Variants in ALDH1A2 observed in about 807,000 individuals in gnomAD.
ALDH1A2 encodes retinal dehydrogenase 2.
A neutral mutation model predicts 60.3 loss-of-function variants in ALDH1A2; 27 were observed. The observed-to-expected ratio is 0.45, with a 90% CI of 0.33 to 0.62. The LOEUF (loss-of-function observed/expected upper bound fraction) is 0.62, where lower values mean the gene tolerates loss of function less well. Among genes scored for constraint, ALDH1A2 ranks in the 20% least tolerant of loss-of-function variants. The pLI is 0.02. For synonymous variants in ALDH1A2, 289 were observed against 232.4 expected, an observed-to-expected ratio of 1.24 and a Z score of -2.21; for missense variants, 581 against 643.8, an observed-to-expected ratio of 0.90 and a Z score of 1.06.
chr15:57,975,830 G>C (rs1049471945), intron 7 of ALDH1A2, among the ~76,000 whole-genome samples: 5 of 152,016 alleles, frequency 3.3e-5, no homozygotes, highest in African/African-American at 9.7e-5. Context: ...GGGGTGGAGA[G>C]AGAGATAAGA....
intron 1 of ALDH1A2, among the ~76,000 whole-genome samples, chr15:58,027,882 AG>A (rs1212772806): frequency 6.6e-6 from 1 of 152,176 alleles, no homozygotes; most frequent in East Asian, 1.9e-4. Context: ...AAAGCCTCCA[AG>A]AAATATGGGA....
intron 4 of ALDH1A2, among the ~76,000 whole-genome samples, chr15:58,002,985 A>C (rs1895324806): frequency 6.6e-6 from 1 of 151,920 alleles, no homozygotes; most frequent in East Asian, 1.9e-4. Flanking sequence ...TGTTAGTATG[A>C]AGTGTACTGA....
Position 57,964,010 on chromosome 15 carries a change from T to C in ALDH1A2, c.961A>G (p.Thr321Ala), listed in dbSNP as rs761085706. 4 of 1,614,154 alleles carry C rather than the reference T, an allele frequency of 2.5e-6. No individual in the cohort carries two copies. The highest frequency in any genetic ancestry group is 2.5e-6 in the Non-Finnish European group (3 of 1,180,008). ...TCCACGAAGATGCGAGAGCCTGCAG[T>C]GCAGCACTGACCTTGATTGAAGAAC... is the stretch of plus-strand genomic sequence containing the variant. ...GVFFNQGQCC[T>A]AGSRIFVEES... The change falls in exon 9 of 13, where the codon ACT (threonine) becomes GCT (alanine). Residue 321 changes from threonine (T) to alanine (A), a missense_variant. Thr to Ala is a moderately conservative substitution (Grantham distance 58). Transcript: ENST00000249750.
At chr15:58,009,769 C>G (rs1008585449) in intron 4 of ALDH1A2, among the ~76,000 whole-genome samples, 1 of 152,022 alleles carries the variant, frequency 6.6e-6, no homozygotes, top group Admixed American at 6.6e-5. Context: ...AACTTATTTA[C>G]TCTGTGAATT....
At chr15:57,986,106 T>C (rs1346677841) in intron 7 of ALDH1A2, among the ~76,000 whole-genome samples, 1 of 152,226 alleles carries the variant, frequency 6.6e-6, no homozygotes, top group Non-Finnish European at 1.5e-5. Flanking sequence ...TGCTTCTAAT[T>C]GTAATGGAGT....
At chr15:58,030,147 A>C (rs1201127440) in intron 1 of ALDH1A2, among the ~76,000 whole-genome samples, 2 of 152,220 alleles carry the variant, frequency 1.3e-5, no homozygotes, top group African/African-American at 4.8e-5. Flanking sequence ...TCAATAAAAT[A>C]CTGGCAAACC....
At chr15:58,009,048 C>G (rs1185928883) in intron 4 of ALDH1A2, among the ~76,000 whole-genome samples, 2 of 152,104 alleles carry the variant, frequency 1.3e-5, no homozygotes, top group African/African-American at 4.8e-5. Context: ...GGAAGAGCCC[C>G]TACAATCAGA....
intron 4 of ALDH1A2, among the ~76,000 whole-genome samples, chr15:57,996,050 G>A (rs1322552565): frequency 6.6e-6 from 1 of 152,046 alleles, no homozygotes; most frequent in South Asian, 2.1e-4. Context: ...ACTGATACTT[G>A]TTTTCTCTCT....
chr15:57,959,336 A>G (rs1463385117), intron 12 of ALDH1A2, among the ~76,000 whole-genome samples: 1 of 152,158 alleles, frequency 6.6e-6, no homozygotes, highest in African/African-American at 2.4e-5. Context: ...GTGAAGGTCA[A>G]AAGCAAATGA....
intron 4 of ALDH1A2, among the ~76,000 whole-genome samples, chr15:57,996,966 CT>C (rs1895084926): frequency 1.3e-5 from 2 of 152,018 alleles, no homozygotes; most frequent in Admixed American, 6.6e-5. Flanking sequence ...TTGAAGAGCT[CT>C]ATGGATATTA....
intron 7 of ALDH1A2, among the ~76,000 whole-genome samples, chr15:57,988,175 T>C (rs1488137469): frequency 6.6e-6 from 1 of 152,118 alleles, no homozygotes; most frequent in East Asian, 1.9e-4. Flanking sequence ...CTAAGTAAAT[T>C]ATAGGGCAAC....
intron 7 of ALDH1A2, among the ~76,000 whole-genome samples, chr15:57,974,432 C>CAAAAAAAAAAAAAA (rs61170362): frequency 1.0e-5 from 1 of 96,722 alleles, no homozygotes; most frequent in African/African-American, 4.5e-5. Flanking sequence ...GACTCCATCT[C>CAAAAAAAAAAAAAA]AAAAAAAAAA....
rs373233028 is a variant in ALDH1A2, at chr15:57,992,671, C to G, written c.798+34G>C. 3 of 1,591,300 alleles carry G rather than the reference C, an allele frequency of 1.9e-6. No homozygotes were observed. The African/African-American group carries it at 4.0e-5, about 21-fold the overall frequency. ...GTAACCCCTCAACTCATTTGCAAGA[C>G]TGTTCCTCAAGCCCTGGTTTTTCAG... is the stretch of plus-strand genomic sequence containing the variant. On this transcript the variant is annotated intron_variant, in intron 7 of 12. Coordinates refer to ENST00000249750, the MANE Select transcript of ALDH1A2 (RefSeq NM_003888.4).
intron 5 of ALDH1A2, 60 bp downstream of exon 5, chr15:57,995,018 T>G: frequency 2.0e-6 from 3 of 1,467,110 alleles, no homozygotes; most frequent in Non-Finnish European, 1.9e-6. Flanking sequence ...ATGTTTTATG[T>G]GTCTTTAAGA....
At chr15:58,063,056 A>G (rs542525224) in intron 1 of ALDH1A2, among the ~76,000 whole-genome samples, 1 of 152,312 alleles carries the variant, frequency 6.6e-6, no homozygotes, top group East Asian at 1.9e-4. Context: ...AAGTTGGAGC[A>G]AAAATACAGA....
In ALDH1A2 at chr15:58,013,797, GTAAATT is replaced by G. The variant is rs1170350473; in HGVS notation, c.363+55_363+60del. 1.9e-6 allele frequency: 3 copies of G among 1,598,116 alleles called. No individual in the cohort carries two copies. The Admixed American group carries it at 5.1e-5, about 27-fold the overall frequency. On this transcript the variant is annotated intron_variant, in intron 3 of 12. Coordinates refer to ENST00000249750, the MANE Select transcript of ALDH1A2 (RefSeq NM_003888.4). ...ATAAAATAAAATACAGCCGAAGAAT[GTAAATT>G]TCAGCAGAATGGCAAATGTGGGTTA...
intron 7 of ALDH1A2, among the ~76,000 whole-genome samples, chr15:57,972,172 G>T (rs543913921): frequency 5.8e-4 from 88 of 152,268 alleles, no homozygotes; most frequent in African/African-American, 2.1e-3. Context: ...ACTCACAGAG[G>T]TCAAGAAATG....
chr15:58,021,265 C>T (rs1895917702), intron 1 of ALDH1A2, among the ~76,000 whole-genome samples: 1 of 152,086 alleles, frequency 6.6e-6, no homozygotes, highest in Non-Finnish European at 1.5e-5. Context: ...TGACTGACTC[C>T]TCCACTTAGA....
In ALDH1A2 at chr15:58,023,510, GA is replaced by G. The variant is rs1234149107; in HGVS notation, c.118-9230del. ...ATAGCATATTGTTATCAGACTGTCTGAAGTCAATGATAAAGAGAAAATCCTA... is the reference window on the plus strand; with the variant it reads ...ATAGCATATTGTTATCAGACTGTCTGAGTCAATGATAAAGAGAAAATCCTA... On this transcript the variant is annotated intron_variant, in intron 1 of 12. Coordinates refer to ENST00000249750, the MANE Select transcript of ALDH1A2 (RefSeq NM_003888.4). Among the ~76,000 whole-genome samples the G allele has an allele frequency of 2.6e-5, 4 of 152,234 alleles. No individual in the cohort carries two copies. In the East Asian group the frequency reaches 7.7e-4, roughly 29 times the overall value.
Sources: allele counts gnomAD v4.1 joint callset (sites outside exome capture counted in the v4.1 genomes callset), GRCh38; gene constraint gnomAD v4.1.1; transcripts MANE v1.5; gene names NCBI Gene and HGNC (gene_info 2026-07-23, HGNC 2026-07-21).